STAB2: variants seen among roughly 807,000 people sequenced by gnomAD.
STAB2 encodes the protein stabilin-2.
A neutral mutation model predicts 338.1 loss-of-function variants in STAB2; 288 were observed. The observed-to-expected ratio is 0.85, with a 90% CI of 0.77 to 0.94. STAB2 has a LOEUF of 0.94. Ranked by LOEUF, STAB2 falls within the 40% of genes least tolerant of loss-of-function variation. The pLI is 0.00. For missense variants in STAB2, 3,141 were observed against 3,210.1 expected (o/e 0.98, Z 0.52); for synonymous variants, 1,202 against 1,193.3 (o/e 1.01, Z -0.15).
At chr12:103,670,907 G>C in intron 22 of STAB2, 100 bp downstream of exon 22, 11 of 942,578 alleles carry the variant, frequency 1.2e-5, no homozygotes, top group Non-Finnish European at 1.7e-5. Flanking sequence ...GGACCCCTTT[G>C]CTTGGGTTAC....
intron 25 of STAB2, among the ~76,000 whole-genome samples, chr12:103,680,699 G>A (rs1300464367): frequency 1.3e-5 from 2 of 152,216 alleles, no homozygotes; most frequent in Admixed American, 6.5e-5. Context: ...GCAGTGATAA[G>A]CACAGGCCAA....
At chr12:103,614,986 GA>G (rs1268460439) in intron 3 of STAB2, among the ~76,000 whole-genome samples, 1 of 152,246 alleles carries the variant, frequency 6.6e-6, no homozygotes, top group Non-Finnish European at 1.5e-5. Context: ...CCAAGGGGAT[GA>G]AATTGGACTG....
chr12:103,765,938 C>A (rs10861094), intron 68 of STAB2: 126,743 of 380,326 alleles, frequency 0.33, 23,234 homozygotes, highest in East Asian at 0.6. Context: ...ATATTATTAG[C>A]CACCTTTTGT....
intron 24 of STAB2, 88 bp from the exon 25 acceptor site, chr12:103,677,365 A>C: frequency 2.0e-6 from 3 of 1,471,204 alleles, no homozygotes; most frequent in African/African-American, 1.4e-5. Context: ...TGTTTCTGGA[A>C]CATATGTCTG....
At chr12:103,645,896 G>T (rs897917007) in intron 9 of STAB2, among the ~76,000 whole-genome samples, 24 of 151,990 alleles carry the variant, frequency 1.6e-4, no homozygotes, top group Non-Finnish European at 2.9e-5. Flanking sequence ...GCTGGGGAGG[G>T]GGGGCAAAAT....
chr12:103,662,728 G>GTCC, intron 17 of STAB2, 118 bp from the exon 18 acceptor site: 2 of 1,201,034 alleles, frequency 1.7e-6, no homozygotes, highest in South Asian at 3.2e-5. Flanking sequence ...CCAATGAAAA[G>GTCC]TTAAGTGATG....
chr12:103,634,609 G>C (rs1197358383), intron 6 of STAB2, among the ~76,000 whole-genome samples: 4 of 152,212 alleles, frequency 2.6e-5, no homozygotes, highest in African/African-American at 9.6e-5. Flanking sequence ...CTAAATAAAT[G>C]AATCTTTTCG....
chr12:103,735,680 C>T, intron 52 of STAB2, 100 bp downstream of exon 52: 4 of 1,035,914 alleles, frequency 3.9e-6, no homozygotes, highest in Non-Finnish European at 5.5e-6. Context: ...ATTTTTTCCC[C>T]TCCATTCATA....
Position 103,660,703 on chromosome 12 carries a change from C to A in STAB2, c.1809C>A (p.Ile603=). 6.2e-7 allele frequency: 1 copy of A among 1,614,134 alleles called. No homozygotes were observed. The highest frequency in any genetic ancestry group is 8.5e-7 in the Non-Finnish European group (1 of 1,180,016). The change falls in exon 17 of 69, where the codon ATC becomes ATA. Residue 603 remains isoleucine, a synonymous_variant. Transcript: ENST00000388887. ...TGCAGCTTGAAGTGGCCACTCTCATCTCCACCCCTCACATCAGGAGCATGG... is the reference window on the plus strand; with the variant it reads ...TGCAGCTTGAAGTGGCCACTCTCATATCCACCCCTCACATCAGGAGCATGG... ...PFTQLEVATL[I]STPHIRSMAN... is the part of the protein sequence containing the mutation.
At position 103,589,243 on chromosome 12, in the gene STAB2, C is replaced by T. The variant is rs1045500796; in HGVS notation, c.82-1654C>T. Among the ~76,000 whole-genome samples, 25 of 152,290 alleles carry T rather than the reference C, an allele frequency of 1.6e-4. 1 individual carries two copies. In the Middle Eastern group the frequency reaches 0.01, roughly 62 times the overall value. The stretch of plus-strand genomic sequence containing the variant: ...AGAAGCAGTGGTGACATTTCCACCA[C>T]GACCAACCTATTATTAGGCCCGTGG... On this transcript the variant is annotated intron_variant, in intron 1 of 68. Coordinates refer to ENST00000388887, the MANE Select transcript of STAB2 (RefSeq NM_017564.10).
intron 64 of STAB2, among the ~76,000 whole-genome samples, chr12:103,758,786 C>T (rs549933947): frequency 2.6e-5 from 4 of 152,204 alleles, no homozygotes; most frequent in Non-Finnish European, 4.4e-5. Context: ...AGAGGATTGG[C>T]GGTATTTATT....
At chr12:103,755,569 C>G in intron 62 of STAB2, 43 bp from the exon 63 acceptor site, 1 of 1,612,610 alleles carries the variant, frequency 6.2e-7, no homozygotes, top group Non-Finnish European at 8.5e-7. Context: ...AGCCCTGGCC[C>G]CTGCCTTACT....
chr12:103,611,770 T>G (rs1957126791), intron 3 of STAB2, among the ~76,000 whole-genome samples: 2 of 152,364 alleles, frequency 1.3e-5, no homozygotes, highest in Middle Eastern at 3.4e-3. Context: ...TGATGCAGTT[T>G]CTTCCTAGCC....
At chr12:103,763,848 G>A in intron 68 of STAB2, 2 of 382,184 alleles carry the variant, frequency 5.2e-6, no homozygotes, top group Non-Finnish European at 9.4e-6. Flanking sequence ...GCGAGAACAA[G>A]AGGTTGTTAT....
chr12:103,692,768 C>G, intron 30 of STAB2, 44 bp from the exon 31 acceptor site: 2 of 1,507,750 alleles, frequency 1.3e-6, no homozygotes, highest in Non-Finnish European at 1.8e-6. Context: ...TCCCAAGGTG[C>G]GCTCTATAAA....
At chr12:103,663,103 C>T in intron 18 of STAB2, 105 bp downstream of exon 18, 2 of 1,430,050 alleles carry the variant, frequency 1.4e-6, no homozygotes. Context: ...AGTTGGACTT[C>T]CAGAACCTTG....
At chr12:103,705,593 C>T (rs1398844493) in intron 36 of STAB2, 39 bp from the exon 37 acceptor site, 8 of 1,599,278 alleles carry the variant, frequency 5.0e-6, no homozygotes, top group Non-Finnish European at 6.9e-6. Flanking sequence ...AAAACTTTTT[C>T]CTAACTTAGG....
intron 5 of STAB2, among the ~76,000 whole-genome samples, chr12:103,629,008 G>C (rs1408837306): frequency 1.3e-5 from 2 of 152,204 alleles, no homozygotes; most frequent in African/African-American, 4.8e-5. Context: ...AAATTTAGTT[G>C]TGTAGTTGTT....
At chr12:103,643,830 G>T (rs868186827) in intron 9 of STAB2, among the ~76,000 whole-genome samples, 1 of 150,672 alleles carries the variant, frequency 6.6e-6, no homozygotes, top group African/African-American at 2.4e-5. Context: ...GGAGGGAGGT[G>T]GGGGGGTCAG....
Sources: allele counts gnomAD v4.1 joint callset (sites outside exome capture counted in the v4.1 genomes callset), GRCh38; gene constraint gnomAD v4.1.1; transcripts MANE v1.5; gene names NCBI Gene and HGNC (gene_info 2026-07-23, HGNC 2026-07-21).